FAM178B: variants seen among roughly 807,000 people sequenced by gnomAD.
FAM178B encodes the protein protein FAM178B.
In FAM178B, 82 loss-of-function variants were observed where a neutral mutation model predicts 91.7. That is an observed-to-expected ratio of 0.89 (90% CI 0.75 to 1.07). The LOEUF (loss-of-function observed/expected upper bound fraction) is 1.07. Among genes scored for constraint, FAM178B ranks in the 50% least tolerant of loss-of-function variants. The pLI, the probability that FAM178B is intolerant of heterozygous loss-of-function variation, is 0.00. For synonymous variants in FAM178B, 368 were observed against 359.4 expected (o/e 1.02, Z -0.27); for missense variants, 769 against 846.7 (o/e 0.91, Z 1.14).
intron 13 of FAM178B, chr2:96,898,201 G>C: frequency 1.2e-6 from 1 of 830,588 alleles, no homozygotes; most frequent in African/African-American, 1.8e-5. Context: ...GAAAGGGAGG[G>C]ACGGCCCTTG....
chr2:96,890,466 T>C (rs1176924653), intron 14 of FAM178B, among the ~76,000 whole-genome samples: 1 of 151,604 alleles, frequency 6.6e-6, no homozygotes, highest in Non-Finnish European at 1.5e-5. Context: ...AGGCCCTGTT[T>C]AAAAAAAAGA....
intron 14 of FAM178B, among the ~76,000 whole-genome samples, chr2:96,879,165 C>T (rs568529654): frequency 1.3e-5 from 2 of 152,326 alleles, no homozygotes; most frequent in South Asian, 2.1e-4. Context: ...CATCCCAGGG[C>T]GTGAGGCTCC....
At chr2:96,916,077 T>C (rs1191777040) in intron 12 of FAM178B, among the ~76,000 whole-genome samples, 1 of 152,224 alleles carries the variant, frequency 6.6e-6, no homozygotes, top group African/African-American at 2.4e-5. Context: ...CAATTTCCAG[T>C]TCTTCACTAT....
At chr2:96,925,833 T>A (rs1314536207) in intron 9 of FAM178B, among the ~76,000 whole-genome samples, 3 of 152,224 alleles carry the variant, frequency 2.0e-5, no homozygotes, top group African/African-American at 4.8e-5. Context: ...ACCATCTGCA[T>A]GGCATTCTGA....
intron 13 of FAM178B, among the ~76,000 whole-genome samples, chr2:96,894,402 C>A: frequency 8.1e-6 from 1 of 123,552 alleles, no homozygotes; most frequent in African/African-American, 3.1e-5. Context: ...ATACCCAGGC[C>A]TCCCACCCCC....
chr2:96,919,387 A>T (rs2081295616), intron 12 of FAM178B, among the ~76,000 whole-genome samples: 1 of 152,174 alleles, frequency 6.6e-6, no homozygotes, highest in Non-Finnish European at 1.5e-5. Flanking sequence ...ACCCCCAGGC[A>T]TCTACAGAGC....
At chr2:96,888,798 G>A (rs1388188293) in intron 14 of FAM178B, among the ~76,000 whole-genome samples, 1 of 152,230 alleles carries the variant, frequency 6.6e-6, no homozygotes, top group Non-Finnish European at 1.5e-5. Flanking sequence ...AACATGAGCA[G>A]AGCTACTCAG....
intron 12 of FAM178B, among the ~76,000 whole-genome samples, chr2:96,903,255 A>G (rs2080968750): frequency 6.6e-6 from 1 of 152,068 alleles, no homozygotes; most frequent in African/African-American, 2.4e-5. Flanking sequence ...TAGCCAGGAT[A>G]GTCTCGATCT....
intron 8 of FAM178B, among the ~76,000 whole-genome samples, chr2:96,935,013 G>A (rs1204479652): frequency 1.3e-5 from 2 of 152,178 alleles, no homozygotes; most frequent in Non-Finnish European, 2.9e-5. Context: ...CTGCCCTTCT[G>A]TAACTCACAC....
chr2:96,924,475 G>A (rs960632962), intron 9 of FAM178B, among the ~76,000 whole-genome samples: 1 of 152,198 alleles, frequency 6.6e-6, no homozygotes, highest in Non-Finnish European at 1.5e-5. Flanking sequence ...TAGAGACCAG[G>A]GCTGGGGAAA....
At chr2:96,890,572 C>T (rs948898717) in intron 14 of FAM178B, among the ~76,000 whole-genome samples, 4 of 152,162 alleles carry the variant, frequency 2.6e-5, no homozygotes, top group African/African-American at 9.7e-5. Context: ...AAGTCAGCTA[C>T]GAGGAAATAA....
intron 1 of FAM178B, among the ~76,000 whole-genome samples, chr2:96,979,055 CA>C (rs1483027746): frequency 1.4e-5 from 2 of 146,756 alleles, no homozygotes; most frequent in Non-Finnish European, 3.0e-5. Flanking sequence ...CAGCTCACTG[CA>C]ACCTCCACCT....
At position 96,921,152 on chromosome 2, in the gene FAM178B, G is replaced by C. The variant is rs1389725461; in HGVS notation, c.1562+13C>G. The C allele has an allele frequency of 1.9e-6, 3 of 1,548,418 alleles. No homozygotes were observed. ...GTGTGAGAGGGAGGAGGCAGCGGGG[G>C]AGCAGCACGCACCTGCTCCGGGAGG... On this transcript the variant is annotated intron_variant, in intron 12 of 16. Transcript: ENST00000490605.
intron 8 of FAM178B, 146 bp from the exon 9 acceptor site, chr2:96,929,466 G>C: frequency 1.5e-6 from 1 of 648,170 alleles, no homozygotes; most frequent in South Asian, 1.7e-5. Flanking sequence ...CTGGGGAAAT[G>C]AAGCAACTGG....
intron 8 of FAM178B, among the ~76,000 whole-genome samples, chr2:96,940,669 A>C (rs2081713629): frequency 6.6e-6 from 1 of 152,148 alleles, no homozygotes. Context: ...GGTGGAGGAG[A>C]GATCAATCAT....
intron 12 of FAM178B, among the ~76,000 whole-genome samples, chr2:96,915,360 C>G (rs1456519025): frequency 3.3e-5 from 5 of 150,926 alleles, no homozygotes; most frequent in Admixed American, 2.0e-4. Context: ...TCAAGTTATC[C>G]ACCCACCTCG....
intron 12 of FAM178B, among the ~76,000 whole-genome samples, chr2:96,905,440 C>G (rs1207840478): frequency 1.3e-5 from 2 of 151,538 alleles, no homozygotes; most frequent in African/African-American, 4.9e-5. Context: ...CACCTGTAAT[C>G]CTAGCTACTC....
intron 9 of FAM178B, among the ~76,000 whole-genome samples, chr2:96,924,780 G>C (rs142856025): frequency 1.7e-3 from 266 of 152,358 alleles, no homozygotes; most frequent in African/African-American, 6.3e-3. Flanking sequence ...ACAGTGGTAA[G>C]TGAAGATATT....
intron 8 of FAM178B, among the ~76,000 whole-genome samples, chr2:96,947,363 A>T (rs768622556): frequency 1.3e-5 from 2 of 152,154 alleles, no homozygotes; most frequent in African/African-American, 4.8e-5. Flanking sequence ...TCAGCCAAAG[A>T]AGGCTGTCAG....
Sources: gnomAD v4.1 joint callset for allele counts (sites outside exome capture counted in the v4.1 genomes callset) on GRCh38, gnomAD v4.1.1 for gene constraint, MANE v1.5 for transcripts, NCBI Gene and HGNC (gene_info 2026-07-23, HGNC 2026-07-21) for gene names.